The following CACNA1A variants were observed in gnomAD, a reference collection of about 807,000 sequenced individuals.
CACNA1A encodes voltage-dependent P/Q-type calcium channel subunit alpha-1A.
A neutral mutation model predicts 262.4 loss-of-function variants in CACNA1A; 57 were observed. The ratio of observed to expected loss-of-function variants is 0.22; its 90% CI spans 0.18 to 0.27. The LOEUF (loss-of-function observed/expected upper bound fraction) is 0.27. CACNA1A is among the 10% of genes least tolerant of loss of function. CACNA1A has a pLI of 1.00. For missense variants in CACNA1A, 2,526 were observed against 3,562.8 expected (o/e 0.71, Z 7.41); for synonymous variants, 1,431 against 1,419.3 (o/e 1.01, Z -0.18).
At chr19:13,367,294 CAAAAA>C (rs71168702) in intron 4 of CACNA1A, among the ~76,000 whole-genome samples, 1,586 of 64,648 alleles carry the variant, frequency 0.025, 25 homozygotes, top group East Asian at 0.21. Context: ...GACTCTGTCT[CAAAAA>C]AAAAAAAAAA....
At chr19:13,436,145 GA>G (rs1473034206) in intron 3 of CACNA1A, among the ~76,000 whole-genome samples, 3 of 152,092 alleles carry the variant, frequency 2.0e-5, no homozygotes, top group Admixed American at 6.5e-5. Flanking sequence ...TGTTTCTTCA[GA>G]AAGGACAAGG....
chr19:13,496,835 T>G (rs982183739), intron 1 of CACNA1A, among the ~76,000 whole-genome samples: 1 of 152,162 alleles, frequency 6.6e-6, no homozygotes, highest in Non-Finnish European at 1.5e-5. Flanking sequence ...ACACATATAG[T>G]GCTTCCTAAG....
intron 3 of CACNA1A, among the ~76,000 whole-genome samples, chr19:13,381,512 G>C (rs537623145): frequency 6.6e-6 from 1 of 152,140 alleles, no homozygotes; most frequent in East Asian, 1.9e-4. Context: ...AGCGGTGACT[G>C]TATCAAACAG....
At chr19:13,484,581 C>A (rs1184280991) in intron 1 of CACNA1A, among the ~76,000 whole-genome samples, 2 of 152,238 alleles carry the variant, frequency 1.3e-5, no homozygotes, top group African/African-American at 4.8e-5. Context: ...TGAGTGAAAT[C>A]ATTTCCTAAT....
intron 19 of CACNA1A, among the ~76,000 whole-genome samples, chr19:13,293,437 A>ATTTTTTT (rs2057588183): frequency 1.6e-5 from 2 of 124,898 alleles, no homozygotes; most frequent in Non-Finnish European, 3.4e-5. Context: ...ACTCAGTTAA[A>ATTTTTTT]TCTTTTTTTT....
chr19:13,340,383 C>G (rs1229342459), intron 6 of CACNA1A, among the ~76,000 whole-genome samples: 2 of 151,704 alleles, frequency 1.3e-5, no homozygotes, highest in Non-Finnish European at 2.9e-5. Context: ...TATAATTATC[C>G]CCATCCTCCC....
At chr19:13,336,598 A>AGGGAGAGAGG (rs1555768118) in intron 6 of CACNA1A, among the ~76,000 whole-genome samples, 1 of 102,346 alleles carries the variant, frequency 9.8e-6, no homozygotes, top group African/African-American at 4.0e-5. Context: ...AGAGAGGGAG[A>AGGGAGAGAGG]GAGAGAGAGA....
chr19:13,283,817 T>G (rs1184981487), intron 21 of CACNA1A: 1 of 159,162 alleles, frequency 6.3e-6, no homozygotes, highest in African/African-American at 2.4e-5. Flanking sequence ...TGTGTGACCT[T>G]GGGCAAGTTA....
chr19:13,503,925 G>T (rs998614936), intron 1 of CACNA1A, among the ~76,000 whole-genome samples: 1 of 151,926 alleles, frequency 6.6e-6, no homozygotes, highest in Non-Finnish European at 1.5e-5. Flanking sequence ...CCCTTCCGAG[G>T]GGCCACTGCA....
In CACNA1A at chr19:13,207,747, G is replaced by T; in HGVS notation, c.7087C>A (p.Arg2363Ser). 3 of 1,370,274 alleles carry T rather than the reference G, an allele frequency of 2.2e-6. No individual in the cohort carries two copies. Among genetic ancestry groups the T allele is most frequent in the East Asian group, 3.1e-5 (1 of 32,408 alleles). 84.9% of individuals were successfully genotyped at this position (1,370,274 alleles called of 1,614,324 possible). Residue 2363 changes from arginine (R) to serine (S), a missense_variant, in exon 47 of 47, where the codon CGC becomes AGC. Physicochemically the swap from Arg to Ser is moderately radical, Grantham distance 110. This residue lies in a region of CACNA1A where 929 missense variants were observed against 868.1 expected (regional missense o/e 1.07). Coordinates refer to ENST00000360228, the MANE Select transcript of CACNA1A (RefSeq NM_001127222.2). This position sits in a 1 kb window ranked among gnomAD's most constrained non-coding sequence, Gnocchi z 5.7. ...RPPTGGHSSG[R>S]SPRMERRVPG... is the part of the protein sequence containing the mutation. ...ACCCGCCTCTCCATCCTGGGCGAGC[G>T]GCCGCTGCTGTGGCCCCCCGTGGGC...
In CACNA1A at chr19:13,245,361, T is replaced by C. The variant is rs542273655; in HGVS notation, c.4867-96A>G. The stretch of plus-strand genomic sequence containing the variant: ...TGCATGTTAGAGGCACAGTTGCCCA[T>C]CAGCGGAGTGCCCGGGACAGTTATG... On this transcript the variant is annotated intron_variant, in intron 30 of 46. Coordinates refer to ENST00000360228, the MANE Select transcript of CACNA1A (RefSeq NM_001127222.2). 3.3e-6 allele frequency: 3 copies of C among 897,560 alleles called. No individual in the cohort carries two copies. The East Asian group carries it at 7.3e-5, about 22-fold the overall frequency. The allele number at this position is 897,560 out of a possible 1,614,324, so 55.6% of individuals were successfully genotyped here. A position where few individuals can be genotyped will look rare whatever the true frequency, so the allele number is the denominator to read the frequency against.
intron 3 of CACNA1A, among the ~76,000 whole-genome samples, chr19:13,376,113 A>G (rs1032252149): frequency 2.0e-5 from 3 of 152,194 alleles, no homozygotes; most frequent in African/African-American, 7.2e-5. Flanking sequence ...GTGTCCCCAT[A>G]ATATAAAAGT....
At chr19:13,443,031 T>C (rs1451380378) in intron 3 of CACNA1A, among the ~76,000 whole-genome samples, 2 of 150,494 alleles carry the variant, frequency 1.3e-5, no homozygotes, top group African/African-American at 4.9e-5. Flanking sequence ...CCAAAACTCA[T>C]GTTGAAATTT....
chr19:13,368,411 C>A (rs929082633), intron 4 of CACNA1A, among the ~76,000 whole-genome samples: 1 of 151,684 alleles, frequency 6.6e-6, no homozygotes, highest in Non-Finnish European at 1.5e-5. Flanking sequence ...CGGCTCACTG[C>A]AGCCTTGACC....
rs750134532 is a variant in CACNA1A at position 13,214,308 on chromosome 19, G to T, written c.5865C>A (p.Ile1955=). The change falls in exon 40 of 47, where the codon ATC becomes ATA. Residue 1955 remains isoleucine, a synonymous_variant. Transcript: ENST00000360228. This position sits in a 1 kb window ranked among gnomAD's most constrained non-coding sequence, Gnocchi z 4.1. ...HKSTDLTVGK[I]YAAMMIMEYY... is the part of the protein sequence containing the mutation. ...ACTCCATGATCATCATGGCTGCGTA[G>T]ATCTTCCCCACGGTGAGGTCCGTGG... is the stretch of plus-strand genomic sequence containing the variant. 1 of 1,612,840 alleles carries T rather than the reference G, an allele frequency of 6.2e-7. No homozygotes were observed. Among genetic ancestry groups the T allele is most frequent in the Non-Finnish European group, 8.5e-7 (1 of 1,179,872 alleles).
intron 19 of CACNA1A, among the ~76,000 whole-genome samples, chr19:13,295,497 T>TTC (rs1178631655): frequency 6.8e-6 from 1 of 146,596 alleles, no homozygotes; most frequent in African/African-American, 2.5e-5. Context: ...CTTTCTTTCT[T>TTC]TTTTTTTTTT....
chr19:13,499,063 A>AG (rs1189165586), intron 1 of CACNA1A, among the ~76,000 whole-genome samples: 1 of 151,994 alleles, frequency 6.6e-6, no homozygotes, highest in African/African-American at 2.4e-5. Flanking sequence ...TTGGAAGGGG[A>AG]GGGGGGTACC....
At chr19:13,338,864 T>C (rs2058623979) in intron 6 of CACNA1A, among the ~76,000 whole-genome samples, 1 of 151,536 alleles carries the variant, frequency 6.6e-6, no homozygotes, top group Admixed American at 6.5e-5. Flanking sequence ...ACTTCAATTC[T>C]TAAAAAGTTG....
chr19:13,325,839 T>C (rs1436043777), intron 10 of CACNA1A, among the ~76,000 whole-genome samples: 2 of 152,242 alleles, frequency 1.3e-5, no homozygotes. Context: ...GTATACACTA[T>C]GGAGTGGCTC....
Sources: allele counts gnomAD v4.1 joint callset (sites outside exome capture counted in the v4.1 genomes callset), GRCh38; gene constraint gnomAD v4.1.1; regional missense constraint gnomAD v4.1.1; non-coding constraint Gnocchi (gnomAD v3.1); transcripts MANE v1.5; gene names NCBI Gene and HGNC (gene_info 2026-07-23, HGNC 2026-07-21).